The following TMEM39A variants were observed in gnomAD, a reference collection of about 807,000 sequenced individuals.
TMEM39A encodes transmembrane protein 39A.
In TMEM39A, 19 loss-of-function variants were observed where a neutral mutation model predicts 51.9. The ratio of observed to expected loss-of-function variants is 0.37; its 90% CI spans 0.26 to 0.54. The LOEUF is 0.54. Ranked by LOEUF, TMEM39A falls within the 20% of genes least tolerant of loss-of-function variation. The pLI, the probability that TMEM39A is intolerant of heterozygous loss-of-function variation, is 0.88. For missense variants in TMEM39A, 433 were observed against 590.5 expected (o/e 0.73, Z 2.76); for synonymous variants, 197 against 220.2 (o/e 0.89, Z 0.93).
intron 4 of TMEM39A, 77 bp from the exon 5 acceptor site, chr3:119,447,249 T>A: frequency 6.7e-7 from 1 of 1,482,454 alleles, no homozygotes; most frequent in Non-Finnish European, 9.2e-7. Flanking sequence ...AGTAAGAACT[T>A]AATAGGTTTA....
At chr3:119,446,025 T>C (rs957903012) in intron 5 of TMEM39A, among the ~76,000 whole-genome samples, 1 of 152,194 alleles carries the variant, frequency 6.6e-6, no homozygotes, top group African/African-American at 2.4e-5. Flanking sequence ...TGTTTTTTCC[T>C]ATACTATATA....
At chr3:119,460,103 T>C (rs909461268) in intron 2 of TMEM39A, among the ~76,000 whole-genome samples, 2 of 152,150 alleles carry the variant, frequency 1.3e-5, no homozygotes, top group Non-Finnish European at 2.9e-5. Context: ...CACTCAATAA[T>C]AGTCTTGGTG....
intron 5 of TMEM39A, among the ~76,000 whole-genome samples, chr3:119,439,337 T>C (rs2081017888): frequency 6.6e-6 from 1 of 152,150 alleles, no homozygotes; most frequent in South Asian, 2.1e-4. Flanking sequence ...TCCCAGCACT[T>C]TGGGAGGCCA....
At position 119,431,964 on chromosome 3, in the gene TMEM39A, CATT is replaced by C. The variant is rs1481099323; in HGVS notation, c.*14_*16del. On this transcript the variant is annotated 3_prime_UTR_variant, in exon 9 of 9. Transcript: ENST00000319172. ...AAATATTTTTATCTGAGTTCTCCCT[CATT>C]GTTGAGAGGCAGCTTAGTTTGCCTT... 3 of 1,508,208 alleles carry C rather than the reference CATT, an allele frequency of 2.0e-6. No homozygotes were observed. Among genetic ancestry groups the C allele is most frequent in the African/African-American group, 1.4e-5 (1 of 72,502 alleles). The allele number at this position is 1,508,208 out of a possible 1,614,324, so 93.4% of individuals were successfully genotyped here.
intron 4 of TMEM39A, among the ~76,000 whole-genome samples, chr3:119,450,431 T>C (rs2081182921): frequency 6.6e-6 from 1 of 152,226 alleles, no homozygotes; most frequent in Admixed American, 6.5e-5. Flanking sequence ...ACCAAAATTA[T>C]TTAAACATTC....
chr3:119,432,306 T>A, intron 8 of TMEM39A, 92 bp from the exon 9 acceptor site: 1 of 854,252 alleles, frequency 1.2e-6, no homozygotes, highest in Non-Finnish European at 1.8e-6. Flanking sequence ...TAATTTAACA[T>A]TTACAGGTTC....
chr3:119,453,633 G>C (rs2081227346), intron 3 of TMEM39A, among the ~76,000 whole-genome samples: 1 of 152,174 alleles, frequency 6.6e-6, no homozygotes, highest in Non-Finnish European at 1.5e-5. Flanking sequence ...GATAACTGGA[G>C]TTAGAGTACC....
In TMEM39A at chr3:119,429,674, C is replaced by A. The variant is rs573241457; in HGVS notation, c.*2307G>T. ...AACAACAAAACAAACAAACAAAAAACAGCTGGAATGTGTAGAACACGTTGA... is the reference window on the plus strand; with the variant it reads ...AACAACAAAACAAACAAACAAAAAAAAGCTGGAATGTGTAGAACACGTTGA... On this transcript the variant is annotated 3_prime_UTR_variant, in exon 9 of 9. Transcript: ENST00000319172. 6.6e-6 allele frequency: 1 copy of A among 152,082 alleles called. No homozygotes were observed. 9.4% of individuals were successfully genotyped at this position (152,082 alleles called of 1,614,324 possible). A position where few individuals can be genotyped will look rare whatever the true frequency, so the allele number is the denominator to read the frequency against.
chr3:119,437,993 G>A lies in TMEM39A; in HGVS notation c.686C>T (p.Ser229Leu), dbSNP rs1465593702. 3 of 1,614,124 alleles carry A rather than the reference G, an allele frequency of 1.9e-6. No homozygotes were observed. The highest frequency in any genetic ancestry group is 1.7e-6 in the Non-Finnish European group (2 of 1,180,008). ...GGATTTGGCCAAGCCTCCCACAGTC[G>A]AGGCACTTTCCTCTACTGCCTCGTG... Reference protein sequence around the residue: ...VQHEAVEESASTVGGLAKSKD... With the variant: ...VQHEAVEESALTVGGLAKSKD... The change falls in exon 6 of 9, where the codon TCG (serine) becomes TTG (leucine). Residue 229 changes from serine to leucine, a missense_variant. Physicochemically the swap from Ser to Leu is moderately radical, Grantham distance 145. This residue lies in a region of TMEM39A where 223 missense variants were observed against 328.1 expected (regional missense o/e 0.68). Coordinates refer to ENST00000319172, the MANE Select transcript of TMEM39A (RefSeq NM_018266.3).
chr3:119,459,068 T>C (rs1296412710), intron 2 of TMEM39A, among the ~76,000 whole-genome samples: 2 of 152,324 alleles, frequency 1.3e-5, no homozygotes, highest in Admixed American at 1.3e-4. Flanking sequence ...CATGGGCACC[T>C]TCTTTCTAGC....
intron 3 of TMEM39A, among the ~76,000 whole-genome samples, chr3:119,455,366 CA>C (rs1244919294): frequency 6.6e-6 from 1 of 152,178 alleles, no homozygotes; most frequent in East Asian, 1.9e-4. Flanking sequence ...CTTCACAATC[CA>C]ATTTTAAGCT....
In TMEM39A at chr3:119,436,139, A is replaced by G. The variant is rs2080964818; in HGVS notation, c.1112+652T>C. Among the ~76,000 whole-genome samples, 2 of 152,210 alleles carry G rather than the reference A, an allele frequency of 1.3e-5. 1 individual carries two copies. Among genetic ancestry groups the G allele is most frequent in the Admixed American group, 1.3e-4 (2 of 15,276 alleles). On this transcript the variant is annotated intron_variant, in intron 7 of 8. Transcript: ENST00000319172. The stretch of plus-strand genomic sequence containing the variant: ...TGAAGGACTCAGAAGTGACAGAATA[A>G]AACGGTCCTAATGTTAGCCATTTTG...
At chr3:119,435,442 C>T (rs1259459576) in intron 7 of TMEM39A, 8 of 983,694 alleles carry the variant, frequency 8.1e-6, no homozygotes, top group Non-Finnish European at 9.6e-6. Context: ...CACACACACA[C>T]AGACTTTTCA....
At chr3:119,432,904 A>G (rs1343002655) in intron 8 of TMEM39A, among the ~76,000 whole-genome samples, 2 of 152,186 alleles carry the variant, frequency 1.3e-5, no homozygotes, top group African/African-American at 2.4e-5. Context: ...AGGAAAAATG[A>G]GTCAGAATTA....
intron 2 of TMEM39A, among the ~76,000 whole-genome samples, chr3:119,461,422 T>C (rs1022489602): frequency 2.0e-5 from 3 of 152,218 alleles, no homozygotes; most frequent in Non-Finnish European, 4.4e-5. Context: ...AAAACTTTTT[T>C]CAGGGAGGAA....
At chr3:119,460,610 C>G (rs1334457655) in intron 2 of TMEM39A, among the ~76,000 whole-genome samples, 1 of 152,048 alleles carries the variant, frequency 6.6e-6, no homozygotes, top group Non-Finnish European at 1.5e-5. Flanking sequence ...CTACAGCAAC[C>G]CCTGAGACAC....
chr3:119,434,960 T>C, intron 7 of TMEM39A, 78 bp from the exon 8 acceptor site: 1 of 1,536,902 alleles, frequency 6.5e-7, no homozygotes. Flanking sequence ...AGCTGTATTT[T>C]TATGGAAGGA....
chr3:119,437,101 G>A, intron 6 of TMEM39A, 123 bp from the exon 7 acceptor site: 1 of 825,206 alleles, frequency 1.2e-6, no homozygotes, highest in South Asian at 2.2e-5. Context: ...TGGTGGTCCT[G>A]CTGTCCGTGC....
intron 3 of TMEM39A, among the ~76,000 whole-genome samples, chr3:119,457,665 TA>T (rs1402031313): frequency 5.9e-5 from 9 of 152,196 alleles, no homozygotes; most frequent in Admixed American, 2.6e-4. Context: ...ACCACTATCC[TA>T]ATTCAGCCAT....
Sources: allele counts gnomAD v4.1 joint callset (sites outside exome capture counted in the v4.1 genomes callset), GRCh38; gene constraint gnomAD v4.1.1; regional missense constraint gnomAD v4.1.1; transcripts MANE v1.5; gene names NCBI Gene and HGNC (gene_info 2026-07-23, HGNC 2026-07-21).